Variants in SHANK2 observed in about 807,000 individuals in gnomAD.
SHANK2 encodes the protein SH3 and multiple ankyrin repeat domains protein 2.
SHANK2 carries 43 observed loss-of-function variants against 133.7 expected under a neutral mutation model. That is an observed-to-expected ratio of 0.32 (90% CI 0.25 to 0.41). SHANK2 has a LOEUF of 0.41. Ranked by LOEUF, SHANK2 falls within the 10% of genes least tolerant of loss-of-function variation. SHANK2 has a pLI of 1.00. For missense variants in SHANK2, 1,994 were observed against 2,235.8 expected, an observed-to-expected ratio of 0.89 and a Z score of 2.18; for synonymous variants, 1,017 against 952.8, an observed-to-expected ratio of 1.07 and a Z score of -1.24.
chr11:71,085,368 A>G (rs1404585312), intron 8 of SHANK2, among the ~76,000 whole-genome samples: 1 of 148,642 alleles, frequency 6.7e-6, no homozygotes, highest in African/African-American at 2.5e-5. Context: ...AGGCAAGAGA[A>G]TTGCTTGAAC....
intron 17 of SHANK2, among the ~76,000 whole-genome samples, chr11:70,630,837 G>A (rs901745551): frequency 6.6e-6 from 1 of 152,178 alleles, no homozygotes; most frequent in Admixed American, 6.5e-5. Context: ...TCAAGCCCCA[G>A]CTGGTGGCTT....
chr11:71,205,466 G>C (rs1443121002), intron 2 of SHANK2, among the ~76,000 whole-genome samples: 1 of 152,206 alleles, frequency 6.6e-6, no homozygotes, highest in African/African-American at 2.4e-5. Context: ...CCCTCTTGCT[G>C]GGCTCCAGTA....
chr11:70,588,085 A>G (rs1286112702), intron 17 of SHANK2, among the ~76,000 whole-genome samples: 4 of 152,182 alleles, frequency 2.6e-5, no homozygotes, highest in Non-Finnish European at 4.4e-5. Flanking sequence ...ATTAACTGAT[A>G]AATGTTGTGT....
At chr11:70,619,192 A>T (rs1460245151) in intron 17 of SHANK2, among the ~76,000 whole-genome samples, 5 of 152,218 alleles carry the variant, frequency 3.3e-5, no homozygotes, top group African/African-American at 1.2e-4. Context: ...GCTGTAATTA[A>T]TTACTACAAA....
At chr11:70,827,743 G>A (rs542076057) in intron 11 of SHANK2, among the ~76,000 whole-genome samples, 3 of 146,102 alleles carry the variant, frequency 2.1e-5, no homozygotes, top group Non-Finnish European at 3.0e-5. Flanking sequence ...AGAGAAAGAC[G>A]AGACAAGACG....
At chr11:70,791,617 G>A (rs899929436) in intron 14 of SHANK2, among the ~76,000 whole-genome samples, 11 of 152,174 alleles carry the variant, frequency 7.2e-5, no homozygotes, top group Admixed American at 5.2e-4. Flanking sequence ...AGAGACAGCT[G>A]AGCTGAGAAT....
At chr11:71,113,443 C>A in intron 4 of SHANK2, 79 bp from the exon 5 acceptor site, 1 of 1,321,990 alleles carries the variant, frequency 7.6e-7, no homozygotes. Context: ...GGGCCTTTTC[C>A]TTGGCTATGT....
chr11:70,521,299 A>T (rs2059327236), intron 17 of SHANK2, among the ~76,000 whole-genome samples: 2 of 152,328 alleles, frequency 1.3e-5, no homozygotes, highest in African/African-American at 4.8e-5. Context: ...CAATGTCATT[A>T]CTCATAACAG....
At chr11:70,568,514 ACTTATT>A (rs1395765792) in intron 17 of SHANK2, among the ~76,000 whole-genome samples, 6 of 151,756 alleles carry the variant, frequency 4.0e-5, no homozygotes, top group African/African-American at 1.5e-4. Flanking sequence ...AAGCTGGGGA[ACTTATT>A]CTTGGTGGAG....
At chr11:71,077,057 C>T (rs1951230310) in intron 8 of SHANK2, among the ~76,000 whole-genome samples, 1 of 152,088 alleles carries the variant, frequency 6.6e-6, no homozygotes, top group African/African-American at 2.4e-5. Context: ...GCCAAGATGA[C>T]ACTGTCTGAG....
At chr11:70,817,865 G>A (rs1948432171) in intron 12 of SHANK2, among the ~76,000 whole-genome samples, 1 of 152,194 alleles carries the variant, frequency 6.6e-6, no homozygotes, top group Admixed American at 6.5e-5. Flanking sequence ...CTCCTGAGTA[G>A]CTGGGATTAC....
At position 70,487,209 on chromosome 11, in the gene SHANK2, G is replaced by T. The variant is rs781975321; in HGVS notation, c.3084C>A (p.Ser1028=). 1.4e-5 allele frequency: 22 copies of T among 1,613,880 alleles called. No homozygotes were observed. The highest frequency in any genetic ancestry group is 1.6e-5 in the Non-Finnish European group (19 of 1,180,042). Residue 1028 remains serine, a synonymous_variant, in exon 25 of 26, where the codon TCC becomes TCA. Transcript: ENST00000601538. This position sits in a 1 kb window ranked among gnomAD's most constrained non-coding sequence, Gnocchi z 5.8. ...NVEDSPEKTC[S]IPIPTIIVKE... is the part of the protein sequence containing the mutation. The stretch of plus-strand genomic sequence containing the variant: ...TCACGATGATGGTCGGGATAGGGAT[G>T]GAGCACGTCTTCTCGGGGCTGTCCT...
rs183854642 is a variant in SHANK2 at position 70,820,781 on chromosome 11, C to G, written c.1175-99G>C. ...GGTGCAGGCCTGCGTGCGTCCAAGC[C>G]CCCATGCGAGCCCAGCAGAGGGGAG... On this transcript the variant is annotated intron_variant, in intron 11 of 25. Transcript: ENST00000601538. 1.0e-5 allele frequency: 6 copies of G among 574,870 alleles called. No individual in the cohort carries two copies. The South Asian group carries it at 1.3e-4, about 13-fold the overall frequency. 35.6% of individuals were successfully genotyped at this position (574,870 alleles called of 1,614,324 possible). A position where few individuals can be genotyped will look rare whatever the true frequency, so the allele number is the denominator to read the frequency against.
intron 11 of SHANK2, among the ~76,000 whole-genome samples, chr11:70,859,624 C>G (rs1949226322): frequency 6.6e-6 from 1 of 152,142 alleles, no homozygotes; most frequent in South Asian, 2.1e-4. Flanking sequence ...ACCTATACAA[C>G]TGAGTCAGAG....
intron 10 of SHANK2, among the ~76,000 whole-genome samples, chr11:70,902,363 C>T (rs1468721634): frequency 6.6e-6 from 1 of 152,204 alleles, no homozygotes; most frequent in East Asian, 1.9e-4. Flanking sequence ...AGGGGCGGGG[C>T]CTCCAGGGAA....
chr11:70,476,987 C>A (rs1397594431), intron 25 of SHANK2, among the ~76,000 whole-genome samples: 2 of 152,212 alleles, frequency 1.3e-5, no homozygotes, highest in African/African-American at 4.8e-5. Flanking sequence ...CCAGCTGTTC[C>A]CAGGTAGTTG....
At chr11:70,873,069 T>A (rs781963463) in intron 11 of SHANK2, 13 of 470,884 alleles carry the variant, frequency 2.8e-5, no homozygotes, top group Non-Finnish European at 5.3e-5. Context: ...GCCTCCCGGG[T>A]GGCGACCCTC....
chr11:71,063,612 CTG>C (rs1439567129), intron 9 of SHANK2, among the ~76,000 whole-genome samples: 18 of 152,208 alleles, frequency 1.2e-4, no homozygotes, highest in African/African-American at 4.3e-4. Flanking sequence ...AAAGGAAAAA[CTG>C]TGATCCAGGA....
chr11:71,182,669 G>T (rs896712260), intron 2 of SHANK2, among the ~76,000 whole-genome samples: 5 of 152,082 alleles, frequency 3.3e-5, no homozygotes, highest in Admixed American at 6.6e-5. Context: ...ATTTCAACTT[G>T]ATCATCTGCA....
Sources: allele counts gnomAD v4.1 joint callset (sites outside exome capture counted in the v4.1 genomes callset), GRCh38; gene constraint gnomAD v4.1.1; non-coding constraint Gnocchi (gnomAD v3.1); transcripts MANE v1.5; gene names NCBI Gene and HGNC (gene_info 2026-07-23, HGNC 2026-07-21).